Variants in GCN1 observed in about 807,000 individuals in gnomAD.
GCN1 encodes GCN1 activator of EIF2AK4.
GCN1 carries 90 observed loss-of-function variants against 288.4 expected under a neutral mutation model. The ratio of observed to expected loss-of-function variants is 0.31; its 90% CI spans 0.26 to 0.37. The LOEUF (loss-of-function observed/expected upper bound fraction) is 0.37. Among genes scored for constraint, GCN1 ranks in the 10% least tolerant of loss-of-function variants. GCN1 has a pLI of 1.00. For missense variants in GCN1, 2,586 were observed against 3,419.9 expected (o/e 0.76, Z 6.08); for synonymous variants, 1,386 against 1,420.2 (o/e 0.98, Z 0.54).
rs1878461962 is a variant in GCN1 at position 120,175,754 on chromosome 12, A to C, written c.1034T>G (p.Ile345Ser). The C allele has an allele frequency of 6.2e-7, 1 of 1,611,918 alleles. No individual in the cohort carries two copies. Among genetic ancestry groups the C allele is most frequent in the Admixed American group, 1.7e-5 (1 of 59,434 alleles). Reference protein sequence around the residue: ...MESLTKHLFAILGGSEGKLTV... With the variant: ...MESLTKHLFASLGGSEGKLTV... The stretch of plus-strand genomic sequence containing the variant: ...CAAGAAGGCTTGCTCACCTCCGAGG[A>C]TAGCAAATAGGTGCTTGGTCAGGGA... The change falls in exon 11 of 58, where the codon ATC becomes AGC. Residue 345 changes from isoleucine (I) to serine (S), a missense_variant. By Grantham distance (142) the Ile-to-Ser change is moderately radical (BLOSUM62 -2). This residue lies in a region of GCN1 where 913 missense variants were observed against 1,107.0 expected (regional missense o/e 0.82). Transcript: ENST00000300648.
chr12:120,160,345 CA>C lies in GCN1; in HGVS notation c.2437-91del, dbSNP rs1877886478. 3.5e-6 allele frequency: 3 copies of C among 869,440 alleles called. No individual in the cohort carries two copies. In the East Asian group the frequency reaches 7.4e-5, roughly 21 times the overall value. 53.9% of individuals were successfully genotyped at this position (869,440 alleles called of 1,614,324 possible). A position where few individuals can be genotyped will look rare whatever the true frequency, so the allele number is the denominator to read the frequency against. On this transcript the variant is annotated intron_variant, in intron 22 of 57. Transcript: ENST00000300648. ...GAAGGTGAGCTTGCTTCCACACAAA[CA>C]GCACCATACCAGCTCTAAGTGTGAG... is the stretch of plus-strand genomic sequence containing the variant.
rs1019708493 is a variant in GCN1 at position 120,183,777 on chromosome 12, C to G, written c.318-100G>C. ...GCCTGGTAATGCAGGACCCTCCCTTCACCTCATGGAACAGAACTTGAAACA... is the reference window on the plus strand; with the variant it reads ...GCCTGGTAATGCAGGACCCTCCCTTGACCTCATGGAACAGAACTTGAAACA... On this transcript the variant is annotated intron_variant, in intron 4 of 57. Transcript: ENST00000300648. The G allele has an allele frequency of 1.1e-4, 83 of 736,442 alleles. No individual in the cohort carries two copies. In the African/African-American group the frequency reaches 1.4e-3, roughly 12 times the overall value. 45.6% of individuals were successfully genotyped at this position (736,442 alleles called of 1,614,324 possible).
chr12:120,187,275 C>T (rs990558928), intron 2 of GCN1, among the ~76,000 whole-genome samples: 2 of 150,844 alleles, frequency 1.3e-5, no homozygotes, highest in Non-Finnish European at 2.9e-5. Context: ...TGCAATGGCG[C>T]AATCTCAGCT....
chr12:120,189,715 G>A (rs923874136), intron 2 of GCN1, among the ~76,000 whole-genome samples: 5 of 151,952 alleles, frequency 3.3e-5, no homozygotes, highest in South Asian at 4.1e-4. Flanking sequence ...CCAGTGGCTC[G>A]TGCCTGTAAC....
rs1300686320 is a variant in GCN1 at position 120,142,253 on chromosome 12, G to A, written c.5829+254C>T. Among the ~76,000 whole-genome samples, 1 of 152,190 alleles carries A rather than the reference G, an allele frequency of 6.6e-6. No homozygotes were observed. The highest frequency in any genetic ancestry group is 1.9e-4 in the East Asian group (1 of 5,202). ...AGGCAGGAGAATGGCATGAACCTAG[G>A]AGGCGGAGCTTGCAGTGAGCTGAGA... On this transcript the variant is annotated intron_variant, in intron 44 of 57. Coordinates refer to ENST00000300648, the MANE Select transcript of GCN1 (RefSeq NM_006836.2). This position sits in a 1 kb window ranked among gnomAD's most constrained non-coding sequence, Gnocchi z 4.9.
chr12:120,164,864 T>C (rs1329203505), intron 16 of GCN1, 143 bp from the exon 17 acceptor site: 2 of 536,454 alleles, frequency 3.7e-6, no homozygotes, highest in South Asian at 2.9e-5. Flanking sequence ...AATTACAGCT[T>C]GTTTTTTTTT....
chr12:120,149,798 C>T (rs1009985854), intron 35 of GCN1, 78 bp from the exon 36 acceptor site: 2 of 1,516,076 alleles, frequency 1.3e-6, no homozygotes, highest in Admixed American at 3.4e-5. Context: ...CCTAGCGTTC[C>T]TCCTATAACC....
chr12:120,153,390 CA>C lies in GCN1; in HGVS notation c.3884del (p.Leu1295ArgfsTer9). 1 of 1,614,090 alleles carries C rather than the reference CA, an allele frequency of 6.2e-7. No homozygotes were observed. The highest frequency in any genetic ancestry group is 8.5e-7 in the Non-Finnish European group (1 of 1,180,006). Reference protein sequence around the residue: ...NTHGKENVNSLLPVFEEFLKN... With the variant: ...NTHGKENVNSXLPVFEEFLKN... ...TCAGGAACTCCTCGAATACTGGCAA[CA>C]GCGAGTTGACGTTCTCCTGGAAAGC... On this transcript the variant is annotated frameshift_variant, in exon 33 of 58. Transcript: ENST00000300648. LOFTEE classifies it high-confidence loss of function. This position sits in a 1 kb window ranked among gnomAD's most constrained non-coding sequence, Gnocchi z 4.4.
At chr12:120,190,201 G>C (rs2136120117) in intron 2 of GCN1, 97 bp downstream of exon 2, 1 of 689,734 alleles carries the variant, frequency 1.4e-6, no homozygotes, top group Non-Finnish European at 2.5e-6. Flanking sequence ...CTTCAGCCAG[G>C]GCAACAGTGA....
intron 1 of GCN1, among the ~76,000 whole-genome samples, chr12:120,192,815 C>T (rs933778090): frequency 1.2e-4 from 18 of 151,584 alleles, no homozygotes; most frequent in Admixed American, 3.3e-4. Flanking sequence ...GAGACAGAGG[C>T]GGACAGATTG....
At chr12:120,152,071 C>G (rs539909965) in intron 33 of GCN1, among the ~76,000 whole-genome samples, 7 of 152,086 alleles carry the variant, frequency 4.6e-5, no homozygotes, top group Non-Finnish European at 1.0e-4. Flanking sequence ...ACTCTGTCAC[C>G]CAGGCTACAG....
intron 7 of GCN1, among the ~76,000 whole-genome samples, chr12:120,178,084 A>C (rs1217797210): frequency 6.6e-6 from 1 of 152,018 alleles, no homozygotes; most frequent in Non-Finnish European, 1.5e-5. Flanking sequence ...CCTCTGCCCA[A>C]AATGCTCTGC....
At chr12:120,184,336 A>C in intron 3 of GCN1, 93 bp from the exon 4 acceptor site, 2 of 1,065,736 alleles carry the variant, frequency 1.9e-6, no homozygotes, top group Non-Finnish European at 2.7e-6. Context: ...CTTTCTCAGG[A>C]GAAACTGATC....
intron 22 of GCN1, among the ~76,000 whole-genome samples, chr12:120,160,836 T>A (rs1426730812): frequency 1.3e-5 from 2 of 152,116 alleles, no homozygotes; most frequent in African/African-American, 4.8e-5. Flanking sequence ...AATAAACAAG[T>A]CAACAAGCAC....
Position 120,156,738 on chromosome 12 carries a change from C to A in GCN1, c.3169-134G>T. ...AGACCCCAGCTCCAGTGGCAGGACC[C>A]AAGCAAAACCCCTCACTAGCTAACA... On this transcript the variant is annotated intron_variant, in intron 27 of 57. Coordinates refer to ENST00000300648, the MANE Select transcript of GCN1 (RefSeq NM_006836.2). The surrounding 1 kb of genome is among the most constrained non-coding windows in gnomAD (Gnocchi z 5.8). 2 of 975,762 alleles carry A rather than the reference C, an allele frequency of 2.0e-6. No individual in the cohort carries two copies. The highest frequency in any genetic ancestry group is 1.5e-5 in the South Asian group (1 of 66,386). 60.4% of individuals were successfully genotyped at this position (975,762 alleles called of 1,614,324 possible). A position where few individuals can be genotyped will look rare whatever the true frequency, so the allele number is the denominator to read the frequency against.
At chr12:120,176,307 A>G in intron 9 of GCN1, 90 bp from the exon 10 acceptor site, 2 of 810,130 alleles carry the variant, frequency 2.5e-6, no homozygotes. Flanking sequence ...AAATGCCACT[A>G]GGCCTGCTGT....
chr12:120,127,916 C>T lies in GCN1; in HGVS notation c.7949G>A (p.Arg2650Lys), dbSNP rs770357732. The change falls in exon 58 of 58, where the codon AGG becomes AAG. Residue 2650 changes from arginine (R) to lysine (K), a missense_variant. Arg to Lys is a conservative substitution (Grantham distance 26). Coordinates refer to ENST00000300648, the MANE Select transcript of GCN1 (RefSeq NM_006836.2). ...CTGGCTGGCCAGCTTCTTCAGGGAC[C>T]TTCGGTTAACCTCGTTCAGCACCTC... The part of the protein sequence containing the change: ...SLEVLNEVNR[R>K]SLKKLASQAD... 76 of 1,614,022 alleles carry T rather than the reference C, an allele frequency of 4.7e-5. No individual in the cohort carries two copies. The highest frequency in any genetic ancestry group is 6.3e-5 in the Non-Finnish European group (74 of 1,179,982).
intron 18 of GCN1, among the ~76,000 whole-genome samples, 193 bp downstream of exon 18, chr12:120,164,142 GA>G (rs893977177): frequency 6.6e-6 from 1 of 152,054 alleles, no homozygotes; most frequent in East Asian, 1.9e-4. Flanking sequence ...AGCTACATGT[GA>G]AAAAAAGTCT....
rs1490055595 is a variant in GCN1 at position 120,162,005 on chromosome 12, G to A, written c.2217C>T (p.Leu739=). 1 of 1,613,842 alleles carries A rather than the reference G, an allele frequency of 6.2e-7. No homozygotes were observed. The part of the protein sequence containing the change: ...SLSVLSPDRV[L]PQLISTITAS... ...CAGTGATGGTGCTGATGAGCTGTGG[G>A]AGGACCCGGTCCGGCGACAGGACGG... Residue 739 remains leucine (L), a synonymous_variant, in exon 21 of 58, where the codon CTC becomes CTT. Transcript: ENST00000300648.
Sources: gnomAD v4.1 joint callset for allele counts (sites outside exome capture counted in the v4.1 genomes callset) on GRCh38, gnomAD v4.1.1 for gene constraint, gnomAD v4.1.1 regional missense constraint, Gnocchi (gnomAD v3.1) non-coding constraint, MANE v1.5 for transcripts, NCBI Gene and HGNC (gene_info 2026-07-23, HGNC 2026-07-21) for gene names.